DNAH6: variants seen among roughly 807,000 people sequenced by gnomAD.
DNAH6 encodes the protein axonemal beta dynein heavy chain 6.
DNAH6 carries 340 observed loss-of-function variants against 491.4 expected under a neutral mutation model. The ratio of observed to expected loss-of-function variants is 0.69; its 90% confidence interval spans 0.63 to 0.76. DNAH6 has a LOEUF of 0.76. DNAH6 is among the 30% of genes least tolerant of loss of function. The pLI is 0.00. For missense variants in DNAH6, 4,443 were observed against 4,972.2 expected (o/e 0.89, Z 3.20); for synonymous variants, 1,603 against 1,686.1 (o/e 0.95, Z 1.21).
At chr2:84,595,920 A>C (rs1469077312) in intron 18 of DNAH6, 131 bp downstream of exon 18, 3 of 1,069,444 alleles carry the variant, frequency 2.8e-6, no homozygotes, top group Admixed American at 3.3e-5. Context: ...CAATAGTCAA[A>C]TTCATTTTTT....
At chr2:84,560,628 G>T (rs1680567200) in intron 11 of DNAH6, among the ~76,000 whole-genome samples, 1 of 151,050 alleles carries the variant, frequency 6.6e-6, no homozygotes, top group Admixed American at 6.6e-5. Flanking sequence ...CCCCACAACA[G>T]TCCCCAGAGT....
chr2:84,762,974 T>C, intron 64 of DNAH6, 29 bp downstream of exon 64: 1 of 1,500,926 alleles, frequency 6.7e-7, no homozygotes, highest in Non-Finnish European at 9.1e-7. Context: ...GTTTTAATAA[T>C]GCAAATGCAT....
At position 84,770,414 on chromosome 2, in the gene DNAH6, A is replaced by G. The variant is rs537796748; in HGVS notation, c.10703+7469A>G. Among the ~76,000 whole-genome samples, 6 of 152,326 alleles carry G rather than the reference A, an allele frequency of 3.9e-5. No individual in the cohort carries two copies. The South Asian group carries it at 1.0e-3, about 26-fold the overall frequency. On this transcript the variant is annotated intron_variant, in intron 64 of 76. Coordinates refer to ENST00000389394, the MANE Select transcript of DNAH6 (RefSeq NM_001370.2). ...CTTACTAGACAAAAACTTTAAATCA[A>G]ATATTTTAAATGTGCTCATACAGTT...
chr2:84,487,562 T>C, the DNAH6 span, among the ~76,000 whole-genome samples: 209 of 152,344 alleles, frequency 1.4e-3, 1 homozygote, highest in Non-Finnish European at 1.3e-3. Context: ...TTCCAGTCCC[T>C]GGATGGAGGA....
chr2:84,515,201 A>G (rs150373318), upstream of DNAH6, among the ~76,000 whole-genome samples: 252 of 152,140 alleles, frequency 1.7e-3, 5 homozygotes, highest in East Asian at 0.046. Context: ...TTTTGTGTGT[A>G]TTTTTCATCT....
chr2:84,548,743 AC>A (rs1328403000), intron 8 of DNAH6, among the ~76,000 whole-genome samples: 2 of 152,186 alleles, frequency 1.3e-5, no homozygotes, highest in Non-Finnish European at 2.9e-5. Flanking sequence ...TCAAACTGCC[AC>A]CAACCAAAGC....
chr2:84,756,406 A>C (rs2105101229), intron 63 of DNAH6, among the ~76,000 whole-genome samples: 1 of 152,358 alleles, frequency 6.6e-6, no homozygotes, highest in East Asian at 1.9e-4. Context: ...CCTATCCATT[A>C]GCCTTCTACA....
At position 84,796,387 on chromosome 2, in the gene DNAH6, C is replaced by T. The variant is rs751154526; in HGVS notation, c.11321C>T (p.Pro3774Leu). 6 of 1,524,532 alleles carry T rather than the reference C, an allele frequency of 3.9e-6. No homozygotes were observed. The highest frequency in any genetic ancestry group is 5.3e-6 in the Non-Finnish European group (6 of 1,129,542). 94.4% of individuals were successfully genotyped at this position (1,524,532 alleles called of 1,614,324 possible). The change falls in exon 69 of 77, where the codon CCT (proline) becomes CTT (leucine). Residue 3774 changes from proline (P) to leucine (L), a missense_variant. Physicochemically the swap from Pro to Leu is moderately conservative, Grantham distance 98. Transcript: ENST00000389394. ...ACTATCTTGAAAAGATTTTTTTCTC[C>T]TGAAACATTAGAAGAAGATTATAAA... is the stretch of plus-strand genomic sequence containing the variant. Reference protein sequence around the residue: ...LRTILKRFFSPETLEEDYKYS... With the variant: ...LRTILKRFFSLETLEEDYKYS...
chr2:84,509,529 A>G, the DNAH6 span, among the ~76,000 whole-genome samples: 6 of 152,108 alleles, frequency 3.9e-5, no homozygotes, highest in African/African-American at 1.4e-4. Context: ...TCTTTATCCA[A>G]TTTGGCAGTC....
intron 76 of DNAH6, 50 bp from the exon 77 acceptor site, chr2:84,819,255 G>C: frequency 7.7e-7 from 1 of 1,302,586 alleles, no homozygotes. Flanking sequence ...CTTTGTATGA[G>C]GAAGTTATTC....
At chr2:84,763,414 T>C (rs534870796) in intron 64 of DNAH6, among the ~76,000 whole-genome samples, 1 of 152,160 alleles carries the variant, frequency 6.6e-6, no homozygotes, top group East Asian at 1.9e-4. Context: ...AATGTCTCCT[T>C]TACAGTAAGC....
chr2:84,534,060 A>G (rs76579770), intron 4 of DNAH6, among the ~76,000 whole-genome samples: 4,332 of 152,120 alleles, frequency 0.028, 220 homozygotes, highest in African/African-American at 0.099. Context: ...AAATTATGAC[A>G]TATTTATTAT....
intron 5 of DNAH6, among the ~76,000 whole-genome samples, chr2:84,546,281 G>T (rs1678778820): frequency 6.6e-6 from 1 of 152,124 alleles, no homozygotes; most frequent in Non-Finnish European, 1.5e-5. Context: ...CACAGTATTT[G>T]CATATAACCT....
At position 84,624,951 on chromosome 2, in the gene DNAH6, G is replaced by A; in HGVS notation, c.4403G>A (p.Gly1468Asp). 1 of 1,551,642 alleles carries A rather than the reference G, an allele frequency of 6.4e-7. No individual in the cohort carries two copies. The highest frequency in any genetic ancestry group is 8.7e-7 in the Non-Finnish European group (1 of 1,146,902). Residue 1468 changes from glycine (G) to aspartate (D), a missense_variant, in exon 29 of 77, where the codon GGT becomes GAT. Gly to Asp is a moderately conservative substitution (Grantham distance 94, BLOSUM62 -1). Transcript: ENST00000389394. ...GGAGCTTTGCAGCTTGACCTTGGGG[G>A]TGCACCAGCTGGTCCTGCTGGCACT... ...LMGALQLDLGGAPAGPAGTGK... is the reference protein window; with the variant it reads ...LMGALQLDLGDAPAGPAGTGK...
intron 33 of DNAH6, among the ~76,000 whole-genome samples, chr2:84,649,193 C>G (rs569540382): frequency 6.6e-6 from 1 of 152,252 alleles, no homozygotes; most frequent in Admixed American, 6.5e-5. Flanking sequence ...ATTTTATATG[C>G]ACTGAGAAAC....
intron 71 of DNAH6, among the ~76,000 whole-genome samples, chr2:84,806,066 T>C (rs1429362496): frequency 6.6e-6 from 1 of 152,222 alleles, no homozygotes; most frequent in African/African-American, 2.4e-5. Flanking sequence ...ATTATTCTAC[T>C]GTCTCTAGAC....
At chr2:84,710,643 T>A (rs1271814798) in intron 56 of DNAH6, among the ~76,000 whole-genome samples, 2 of 152,230 alleles carry the variant, frequency 1.3e-5, no homozygotes, top group East Asian at 3.8e-4. Context: ...GGCTGGCCTC[T>A]GTTTCCTGAC....
At chr2:84,464,075 G>A in the DNAH6 span, among the ~76,000 whole-genome samples, 2 of 152,138 alleles carry the variant, frequency 1.3e-5, no homozygotes, top group Non-Finnish European at 2.9e-5. Flanking sequence ...GGTGGATGTA[G>A]TGTAAGGAGT....
chr2:84,471,361 G>A, the DNAH6 span, among the ~76,000 whole-genome samples: 17 of 152,288 alleles, frequency 1.1e-4, no homozygotes, highest in African/African-American at 3.6e-4. Context: ...AAATGGAGTC[G>A]CTCTGGTTTG....
Sources: allele counts gnomAD v4.1 joint callset (sites outside exome capture counted in the v4.1 genomes callset), GRCh38; gene constraint gnomAD v4.1.1; transcripts MANE v1.5; gene names NCBI Gene and HGNC (gene_info 2026-07-23, HGNC 2026-07-21).